The following AUH variants were observed in gnomAD, a reference collection of about 807,000 sequenced individuals.
AUH encodes the protein AU RNA binding methylglutaconyl-CoA hydratase.
Under a neutral mutation model 42.3 loss-of-function variants are expected in AUH, and 29 were observed. That is an observed-to-expected ratio of 0.69 (90% CI 0.51 to 0.93). AUH has a LOEUF of 0.93. AUH is among the 40% of genes least tolerant of loss of function. AUH has a pLI of 0.00. For missense variants in AUH, 452 were observed against 438.1 expected (o/e 1.03, Z -0.28); for synonymous variants, 174 against 166.4 (o/e 1.05, Z -0.35).
intron 9 of AUH, 105 bp downstream of exon 9, chr9:91,215,954 T>C: frequency 1.6e-6 from 2 of 1,212,818 alleles, no homozygotes; most frequent in Non-Finnish European, 2.4e-6. Flanking sequence ...GATTTTGGAA[T>C]GGGCGCAAGG....
At chr9:91,288,021 C>T (rs1039467845) in intron 6 of AUH, among the ~76,000 whole-genome samples, 2 of 151,970 alleles carry the variant, frequency 1.3e-5, no homozygotes, top group Non-Finnish European at 2.9e-5. Flanking sequence ...GCTATTCAAA[C>T]TTCCTAGTTT....
intron 6 of AUH, among the ~76,000 whole-genome samples, chr9:91,258,805 A>C (rs1393684461): frequency 2.0e-5 from 3 of 152,220 alleles, no homozygotes. Flanking sequence ...TTCTGTGAAC[A>C]TTGAGATGAC....
At chr9:91,305,362 T>A (rs549602212) in intron 4 of AUH, among the ~76,000 whole-genome samples, 3 of 152,208 alleles carry the variant, frequency 2.0e-5, no homozygotes, top group Non-Finnish European at 4.4e-5. Context: ...TTCAGGGATG[T>A]TAAATTGGTA....
At chr9:91,295,908 T>C in intron 6 of AUH, 113 bp downstream of exon 6, 1 of 1,182,076 alleles carries the variant, frequency 8.5e-7, no homozygotes, top group Non-Finnish European at 1.3e-6. Flanking sequence ...GCAAACAATA[T>C]GCCATTGTCT....
At chr9:91,340,321 GA>G (rs1300817234) in intron 3 of AUH, among the ~76,000 whole-genome samples, 4 of 151,446 alleles carry the variant, frequency 2.6e-5, no homozygotes, top group African/African-American at 9.7e-5. Flanking sequence ...TAATTCTAAA[GA>G]AAAAAAATTA....
chr9:91,357,830 C>T (rs1271984154), intron 1 of AUH, among the ~76,000 whole-genome samples: 1 of 152,152 alleles, frequency 6.6e-6, no homozygotes, highest in African/African-American at 2.4e-5. Context: ...AGAGAGTGAC[C>T]AATGAAAGTA....
At chr9:91,223,333 T>A (rs1827242356) in intron 6 of AUH, among the ~76,000 whole-genome samples, 1 of 151,836 alleles carries the variant, frequency 6.6e-6, no homozygotes, top group Admixed American at 6.5e-5. Flanking sequence ...TTTGTCTTTC[T>A]GTGATTCACC....
rs187591122 is a variant in AUH, at chr9:91,265,164, A to G, written c.655+30857T>C. Reference sequence around the variant, plus strand: ...GATGTGTGTCTTTTCCATCTCTGGGAATTATCTTCCTCCACTATTTTGATA... The same window carrying G: ...GATGTGTGTCTTTTCCATCTCTGGGGATTATCTTCCTCCACTATTTTGATA... On this transcript the variant is annotated intron_variant, in intron 6 of 9. Coordinates refer to ENST00000375731, the MANE Select transcript of AUH (RefSeq NM_001698.3). 4.6e-5 allele frequency among the ~76,000 whole-genome samples: 7 copies of G among 152,034 alleles called. No individual in the cohort carries two copies. In the East Asian group the frequency reaches 1.4e-3, roughly 30 times the overall value.
intron 6 of AUH, among the ~76,000 whole-genome samples, chr9:91,223,068 G>A (rs2131229405): frequency 6.6e-6 from 1 of 152,314 alleles, no homozygotes; most frequent in East Asian, 1.9e-4. Context: ...TAAGCTGAGG[G>A]GTAGACAGCT....
chr9:91,274,689 T>C (rs1327401904), intron 6 of AUH, among the ~76,000 whole-genome samples: 2 of 152,292 alleles, frequency 1.3e-5, no homozygotes, highest in South Asian at 2.1e-4. Flanking sequence ...AATCTTTATG[T>C]AGGTTAACAA....
At chr9:91,342,046 G>A (rs573674635) in intron 3 of AUH, among the ~76,000 whole-genome samples, 31 of 152,298 alleles carry the variant, frequency 2.0e-4, no homozygotes, top group Non-Finnish European at 3.5e-4. Context: ...GGCGAGACCT[G>A]ACACACTTGG....
intron 4 of AUH, among the ~76,000 whole-genome samples, chr9:91,321,749 AT>A (rs1223155623): frequency 2.0e-5 from 3 of 152,244 alleles, no homozygotes; most frequent in African/African-American, 7.2e-5. Context: ...AAAAATCAAA[AT>A]AAAAAATTGT....
chr9:91,284,130 A>C (rs1826205994), intron 6 of AUH, among the ~76,000 whole-genome samples: 1 of 152,190 alleles, frequency 6.6e-6, no homozygotes, highest in African/African-American at 2.4e-5. Flanking sequence ...GACCAATGGA[A>C]TCGAACAGAG....
intron 6 of AUH, among the ~76,000 whole-genome samples, chr9:91,272,586 T>C (rs1166201561): frequency 2.0e-5 from 3 of 152,146 alleles, no homozygotes; most frequent in African/African-American, 7.2e-5. Context: ...CGATACCCAT[T>C]CTAATAACCT....
intron 6 of AUH, among the ~76,000 whole-genome samples, chr9:91,282,928 C>T (rs373211411): frequency 5.9e-5 from 9 of 152,212 alleles, no homozygotes; most frequent in South Asian, 2.1e-4. Context: ...TTCCAATCAA[C>T]AGAAAAAGAG....
chr9:91,297,448 G>C (rs967709773), intron 5 of AUH, among the ~76,000 whole-genome samples: 4 of 152,032 alleles, frequency 2.6e-5, no homozygotes, highest in South Asian at 4.2e-4. Flanking sequence ...TGTAGCAAAT[G>C]GTGATTTAGT....
chr9:91,322,951 C>T (rs1229469040), intron 4 of AUH, among the ~76,000 whole-genome samples: 1 of 152,030 alleles, frequency 6.6e-6, no homozygotes, highest in Non-Finnish European at 1.5e-5. Context: ...ATTATAATCC[C>T]GATGCATATT....
At chr9:91,318,812 C>G (rs1209011976) in intron 4 of AUH, among the ~76,000 whole-genome samples, 1 of 152,236 alleles carries the variant, frequency 6.6e-6, no homozygotes, top group African/African-American at 2.4e-5. Context: ...TTCTTAAACC[C>G]CTGCACTCTC....
chr9:91,249,963 G>C (rs1829033265), intron 6 of AUH, among the ~76,000 whole-genome samples: 1 of 148,828 alleles, frequency 6.7e-6, no homozygotes, highest in Admixed American at 6.7e-5. Context: ...AGTGAGCTGA[G>C]ATAGTGCCCC....
Sources: allele counts gnomAD v4.1 joint callset (sites outside exome capture counted in the v4.1 genomes callset), GRCh38; gene constraint gnomAD v4.1.1; transcripts MANE v1.5; gene names NCBI Gene and HGNC (gene_info 2026-07-23, HGNC 2026-07-21).